SERF2: variants seen among roughly 807,000 people sequenced by gnomAD.
SERF2 encodes gastric cancer-related protein VRG107.
A neutral mutation model predicts 10.7 loss-of-function variants in SERF2; 4 were observed. The ratio of observed to expected loss-of-function variants is 0.37; its 90% confidence interval spans 0.18 to 0.86. The LOEUF (loss-of-function observed/expected upper bound fraction) is 0.86, where lower values mean the gene tolerates loss of function less well. Among genes scored for constraint, SERF2 ranks in the 40% least tolerant of loss-of-function variants. The pLI is 0.43. For missense variants in SERF2, 47 were observed against 79.1 expected, an observed-to-expected ratio of 0.59 and a Z score of 1.54; for synonymous variants, 26 against 26.0, an observed-to-expected ratio of 1.00 and a Z score of 0.01.
intron 2 of SERF2, among the ~76,000 whole-genome samples, chr15:43,786,668 A>C (rs750406764): frequency 6.6e-6 from 1 of 152,202 alleles, no homozygotes; most frequent in Non-Finnish European, 1.5e-5. Context: ...TAGTTCCCAC[A>C]CCAGGAAACT....
At chr15:43,790,945 T>C (rs1350651478), upstream of SERF2, among the ~76,000 whole-genome samples, 1 of 148,420 alleles carries the variant, frequency 6.7e-6, no homozygotes, top group Non-Finnish European at 1.5e-5. Flanking sequence ...TTTTTTTGTA[T>C]TTTTAGTAGA....
intron 1 of SERF2, 30 bp from the exon 2 acceptor site, chr15:43,792,945 C>A (rs1366839848): frequency 4.6e-6 from 7 of 1,514,098 alleles, no homozygotes; most frequent in South Asian, 2.3e-5. Context: ...GAGCGGCCCC[C>A]GCGTCTCACC....
upstream of SERF2, among the ~76,000 whole-genome samples, chr15:43,791,516 T>A (rs1435892758): frequency 1.3e-5 from 2 of 151,296 alleles, no homozygotes; most frequent in African/African-American, 4.9e-5. Flanking sequence ...ATTACAGGCG[T>A]GAGCCACCAC....
upstream of SERF2, among the ~76,000 whole-genome samples, chr15:43,789,139 ACT>A (rs2087032085): frequency 6.8e-6 from 1 of 146,052 alleles, no homozygotes; most frequent in African/African-American, 2.6e-5. Flanking sequence ...ACAGAGTGAG[ACT>A]CTGTCTAAAA....
chr15:43,783,477 C>G (rs541291544), intron 1 of SERF2, among the ~76,000 whole-genome samples: 2 of 148,854 alleles, frequency 1.3e-5, no homozygotes, highest in East Asian at 4.1e-4. Context: ...TTTGTATATT[C>G]TTTTAGTACA....
At position 43,779,639 on chromosome 15, in the gene SERF2, G is replaced by T. The variant is rs755500886; in HGVS notation, c.-527+2137G>T. On this transcript the variant is annotated intron_variant, in intron 1 of 4. Coordinates refer to the SERF2 transcript ENST00000381359. ...CCTTCATAGCTGTAACTACAGGAGC[G>T]TGCCACCATACCTAGCAATTTTTTA... 3.3e-5 allele frequency among the ~76,000 whole-genome samples: 5 copies of T among 151,848 alleles called. No homozygotes were observed. In the East Asian group the frequency reaches 9.6e-4, roughly 29 times the overall value.
chr15:43,782,629 TTA>T (rs1203437002), intron 1 of SERF2, among the ~76,000 whole-genome samples: 1 of 152,152 alleles, frequency 6.6e-6, no homozygotes, highest in Non-Finnish European at 1.5e-5. Flanking sequence ...TGCAAAGCTA[TTA>T]TCCTGGGATC....
intron 1 of SERF2, among the ~76,000 whole-genome samples, chr15:43,783,490 C>T (rs1183349461): frequency 1.3e-5 from 2 of 150,224 alleles, no homozygotes; most frequent in Non-Finnish European, 3.0e-5. Context: ...TTAGTACAGA[C>T]GGGGCTTCAT....
At position 43,795,645 on chromosome 15, in the gene SERF2, A is replaced by G. The variant is rs1479787233; in HGVS notation, c.*1872A>G. On this transcript the variant is annotated 3_prime_UTR_variant, in exon 3 of 3. Transcript: ENST00000249786. ...CTCTTGAGGGTTCTTATGGCACTCC[A>G]CAGAGATCTACCACTTCTTATGGTT... The G allele has an allele frequency of 6.2e-7, 1 of 1,611,582 alleles. No individual in the cohort carries two copies. The highest frequency in any genetic ancestry group is 8.5e-7 in the Non-Finnish European group (1 of 1,178,254).
chr15:43,792,542 C>T, intron 1 of SERF2, 159 bp downstream of exon 1: 4 of 1,507,810 alleles, frequency 2.7e-6, no homozygotes, highest in South Asian at 1.2e-5. Context: ...AAATCGAGCC[C>T]TTTGCCCACG....
intron 1 of SERF2, among the ~76,000 whole-genome samples, chr15:43,780,507 C>T (rs998150163): frequency 1.8e-4 from 27 of 152,124 alleles, no homozygotes; most frequent in African/African-American, 6.0e-4. Flanking sequence ...CGCCCTGCAG[C>T]CAATCTCCAA....
At chr15:43,792,190 C>G, upstream of SERF2, 1 of 625,676 alleles carries the variant, frequency 1.6e-6, no homozygotes, top group South Asian at 1.8e-5. Context: ...CGCCACTTAC[C>G]CACCCCGGCT....
chr15:43,783,947 T>C (rs1218720697), intron 1 of SERF2, among the ~76,000 whole-genome samples: 3 of 138,966 alleles, frequency 2.2e-5, no homozygotes. Flanking sequence ...TTTTTTTTTT[T>C]TTTTTTTTTG....
At position 43,795,747 on chromosome 15, in the gene SERF2, G is replaced by C. The variant is rs754731664; in HGVS notation, c.*1974G>C. On this transcript the variant is annotated 3_prime_UTR_variant, in exon 3 of 3. Transcript: ENST00000249786. The stretch of plus-strand genomic sequence containing the variant: ...ACACAGTGAGGGCTTCTGCAAAACA[G>C]AACGCAGGTTTTGGAATGGTCTTAA... 1.2e-6 allele frequency: 2 copies of C among 1,612,944 alleles called. No homozygotes were observed. The highest frequency in any genetic ancestry group is 1.7e-6 in the Non-Finnish European group (2 of 1,179,492).
rs2087183247 is a variant in SERF2 at position 43,795,329 on chromosome 15, G to T, written c.*1556G>T. On this transcript the variant is annotated 3_prime_UTR_variant, in exon 3 of 3. Transcript: ENST00000249786. The stretch of plus-strand genomic sequence containing the variant: ...TGTGTGTCTGGAATGGCCTTGAATT[G>T]CTCTTTCCTTAAAATAGCTAGCTCT... 1 of 1,604,122 alleles carries T rather than the reference G, an allele frequency of 6.2e-7. No homozygotes were observed. Among genetic ancestry groups the T allele is most frequent in the South Asian group, 1.1e-5 (1 of 90,776 alleles).
chr15:43,793,630 C>A (rs1358652509), intron 2 of SERF2, 80 bp from the exon 3 acceptor site: 1 of 1,612,680 alleles, frequency 6.2e-7, no homozygotes, highest in South Asian at 1.1e-5. Flanking sequence ...TCCATCTTAT[C>A]CTTTGTGCCC....
chr15:43,783,307 A>C (rs1381843584), intron 1 of SERF2, among the ~76,000 whole-genome samples: 7 of 136,348 alleles, frequency 5.1e-5, no homozygotes, highest in Admixed American at 4.4e-4. Context: ...TGCCTGGCCA[A>C]CTTTTTTTTT....
upstream of SERF2, among the ~76,000 whole-genome samples, chr15:43,790,592 C>T (rs1477051615): frequency 6.6e-6 from 1 of 151,466 alleles, no homozygotes; most frequent in South Asian, 2.1e-4. Context: ...GATGGAATCC[C>T]ATCTCCAGAA....
At chr15:43,789,123 T>C (rs1470702111), upstream of SERF2, among the ~76,000 whole-genome samples, 1 of 147,652 alleles carries the variant, frequency 6.8e-6, no homozygotes, top group Non-Finnish European at 1.5e-5. Context: ...CACTCCAGCC[T>C]GGGCGACAGA....
Sources: allele counts gnomAD v4.1 joint callset (sites outside exome capture counted in the v4.1 genomes callset), GRCh38; gene constraint gnomAD v4.1.1; transcripts MANE v1.5; gene names NCBI Gene and HGNC (gene_info 2026-07-23, HGNC 2026-07-21).